QTRT2: variants seen among roughly 807,000 people sequenced by gnomAD.
QTRT2 encodes the protein queuine tRNA-ribosyltransferase accessory subunit 2, also known as queuine tRNA-ribosyltransferase domain containing 1.
In QTRT2, 32 loss-of-function variants were observed where a neutral mutation model predicts 44.8. The ratio of observed to expected loss-of-function variants is 0.71; its 90% CI spans 0.54 to 0.96. QTRT2 has a LOEUF of 0.96. QTRT2 is among the 40% of genes least tolerant of loss of function. The pLI, the probability that QTRT2 is intolerant of heterozygous loss-of-function variation, is 0.00. For missense variants in QTRT2, 461 were observed against 503.1 expected, an observed-to-expected ratio of 0.92 and a Z score of 0.80; for synonymous variants, 182 against 187.4, an observed-to-expected ratio of 0.97 and a Z score of 0.24.
At chr3:114,083,928 T>A (rs1449737488) in intron 9 of QTRT2, among the ~76,000 whole-genome samples, 1 of 152,188 alleles carries the variant, frequency 6.6e-6, no homozygotes, top group Non-Finnish European at 1.5e-5. Flanking sequence ...TAAAATTCCC[T>A]TTATGTTATA....
chr3:114,075,876 A>G (rs954270314), intron 6 of QTRT2, among the ~76,000 whole-genome samples: 1 of 152,184 alleles, frequency 6.6e-6, no homozygotes, highest in African/African-American at 2.4e-5. Context: ...CCTTACCCCA[A>G]GATTGTAAAA....
At chr3:114,069,940 A>C (rs1481765715) in intron 5 of QTRT2, among the ~76,000 whole-genome samples, 1 of 152,246 alleles carries the variant, frequency 6.6e-6, no homozygotes, top group African/African-American at 2.4e-5. Flanking sequence ...GGATACATAC[A>C]TGAATTGGGA....
intron 9 of QTRT2, among the ~76,000 whole-genome samples, chr3:114,083,255 C>G (rs1432664094): frequency 2.0e-5 from 3 of 152,060 alleles, no homozygotes; most frequent in Non-Finnish European, 4.4e-5. Flanking sequence ...AGAAGTGTTT[C>G]AGATTTCTTT....
chr3:114,062,703 CT>C (rs2076904218), intron 2 of QTRT2, among the ~76,000 whole-genome samples: 1 of 152,092 alleles, frequency 6.6e-6, no homozygotes, highest in Non-Finnish European at 1.5e-5. Context: ...TTGTCAGAAG[CT>C]TTGGTTGTCA....
In QTRT2 at chr3:114,085,947, C is replaced by T. The variant is rs377009538; in HGVS notation, c.*43C>T. On this transcript the variant is annotated 3_prime_UTR_variant, in exon 10 of 10. Coordinates refer to ENST00000281273, the MANE Select transcript of QTRT2 (RefSeq NM_024638.4). ...TCTCACTCTTCACACTGAGCCTGTA[C>T]CACTGTTGTAACATGGGAAGACGTG... 1 of 1,402,944 alleles carries T rather than the reference C, an allele frequency of 7.1e-7. No individual in the cohort carries two copies. The highest frequency in any genetic ancestry group is 2.3e-5 in the East Asian group (1 of 43,824). 86.9% of individuals were successfully genotyped at this position (1,402,944 alleles called of 1,614,324 possible).
chr3:114,066,561 C>T, intron 4 of QTRT2: 1 of 388,816 alleles, frequency 2.6e-6, no homozygotes, highest in South Asian at 3.2e-5. Context: ...GATATCATGA[C>T]AGGCCAGAGG....
At chr3:114,067,915 C>T (rs2076974764) in intron 4 of QTRT2, 72 bp from the exon 5 acceptor site, 2 of 1,346,754 alleles carry the variant, frequency 1.5e-6, no homozygotes, top group African/African-American at 1.4e-5. Flanking sequence ...CATTGCGAAG[C>T]TGCTCCCTGC....
chr3:114,061,092 A>G (rs1687099642), intron 2 of QTRT2, among the ~76,000 whole-genome samples: 1 of 152,170 alleles, frequency 6.6e-6, no homozygotes, highest in Non-Finnish European at 1.5e-5. Context: ...TGGGTAACTG[A>G]AACTGGAAAG....
chr3:114,073,923 T>A (rs2107797577), intron 6 of QTRT2, among the ~76,000 whole-genome samples: 1 of 152,350 alleles, frequency 6.6e-6, no homozygotes. Flanking sequence ...TCCCTCCCTG[T>A]CTTATTGACT....
chr3:114,070,931 T>TG, intron 6 of QTRT2, 93 bp downstream of exon 6: 1 of 913,566 alleles, frequency 1.1e-6, no homozygotes, highest in Non-Finnish European at 1.7e-6. Flanking sequence ...CTCCTACTGC[T>TG]GTGCTCCTCA....
intron 7 of QTRT2, chr3:114,077,756 C>G (rs1260363593): frequency 6.7e-6 from 1 of 149,502 alleles, no homozygotes; most frequent in African/African-American, 2.5e-5. Flanking sequence ...TCTTGTTGCC[C>G]AGGCTGGAGT....
intron 7 of QTRT2, chr3:114,077,373 G>GA (rs1302134347): frequency 1.2e-5 from 2 of 165,508 alleles, no homozygotes; most frequent in Non-Finnish European, 2.7e-5. Context: ...AAGAACTTAA[G>GA]AAGCTCTTAG....
chr3:114,075,553 G>A (rs1015723781), intron 6 of QTRT2, among the ~76,000 whole-genome samples: 1 of 141,764 alleles, frequency 7.1e-6, no homozygotes, highest in African/African-American at 2.7e-5. Flanking sequence ...CTGTCATCTA[G>A]GCTGGAGTGC....
chr3:114,070,569 T>C, intron 5 of QTRT2, 57 bp from the exon 6 acceptor site: 1 of 1,423,390 alleles, frequency 7.0e-7, no homozygotes, highest in Non-Finnish European at 9.9e-7. Context: ...TTTTAATTAT[T>C]TTATTTTTAT....
chr3:114,069,029 G>T (rs1034622219), intron 5 of QTRT2, among the ~76,000 whole-genome samples: 4 of 151,698 alleles, frequency 2.6e-5, no homozygotes, highest in Non-Finnish European at 5.9e-5. Context: ...ATTCTAGCCT[G>T]GGTGATAGAG....
chr3:114,061,761 AG>A (rs779900339), intron 2 of QTRT2, among the ~76,000 whole-genome samples: 4 of 151,784 alleles, frequency 2.6e-5, no homozygotes, highest in Non-Finnish European at 5.9e-5. Context: ...TATTTTTTGT[AG>A]AGACAGGGTT....
intron 6 of QTRT2, among the ~76,000 whole-genome samples, chr3:114,071,504 A>G (rs9877606): frequency 0.11 from 16,378 of 152,030 alleles, 1,011 homozygotes; most frequent in African/African-American, 0.16. Context: ...TCACCATGTT[A>G]GCCAGGCTGG....
At chr3:114,070,567 A>T in intron 5 of QTRT2, 59 bp from the exon 6 acceptor site, 2 of 1,404,324 alleles carry the variant, frequency 1.4e-6, no homozygotes, top group Non-Finnish European at 2.0e-6. Context: ...CATTTTAATT[A>T]TTTTATTTTT....
At chr3:114,079,770 C>A in intron 7 of QTRT2, 136 bp from the exon 8 acceptor site, 3 of 739,700 alleles carry the variant, frequency 4.1e-6, no homozygotes, top group Non-Finnish European at 6.7e-6. Context: ...ATGTTGCTGT[C>A]CACTGCCTGC....
Sources: allele counts gnomAD v4.1 joint callset (sites outside exome capture counted in the v4.1 genomes callset), GRCh38; gene constraint gnomAD v4.1.1; transcripts MANE v1.5; gene names NCBI Gene and HGNC (gene_info 2026-07-23, HGNC 2026-07-21).